DAPK3: variants seen among roughly 807,000 people sequenced by gnomAD.
DAPK3 encodes the protein death associated protein kinase 3.
Under a neutral mutation model 30.6 loss-of-function variants are expected in DAPK3, and 24 were observed. That is an observed-to-expected ratio of 0.78 (90% CI 0.57 to 1.10). The LOEUF is 1.10. DAPK3 is among the 50% of genes least tolerant of loss of function. The pLI is 0.00. For synonymous variants in DAPK3, 341 were observed against 284.0 expected, an observed-to-expected ratio of 1.20 and a Z score of -2.02; for missense variants, 629 against 657.3, an observed-to-expected ratio of 0.96 and a Z score of 0.47.
In DAPK3 at chr19:3,969,821, ATGGCAAC is replaced by A; in HGVS notation, c.-93_-87del. 1 of 880,232 alleles carries A rather than the reference ATGGCAAC, an allele frequency of 1.1e-6. No individual in the cohort carries two copies. The highest frequency in any genetic ancestry group is 1.9e-6 in the Non-Finnish European group (1 of 528,172). 54.5% of individuals were successfully genotyped at this position (880,232 alleles called of 1,614,324 possible). A position where few individuals can be genotyped will look rare whatever the true frequency, so the allele number is the denominator to read the frequency against. On this transcript the variant is annotated splice_region_variant and 5_prime_UTR_variant, in exon 2 of 9. Transcript: ENST00000545797. ...GAGATAGGACCTCAGGAGTCCCCTA[ATGGCAAC>A]CCTGGAGAAGACAGGGAAAGACAGA...
intron 7 of DAPK3, 98 bp from the exon 8 acceptor site, chr19:3,960,202 C>T (rs943374106): frequency 9.7e-5 from 68 of 697,756 alleles, no homozygotes; most frequent in Non-Finnish European, 2.9e-5. Flanking sequence ...CTAAAGTCGC[C>T]CCCCAGCCTC....
At chr19:3,962,369 G>A (rs544606831) in intron 6 of DAPK3, among the ~76,000 whole-genome samples, 2 of 152,340 alleles carry the variant, frequency 1.3e-5, no homozygotes, top group African/African-American at 2.4e-5. Flanking sequence ...GTCCGCTCAC[G>A]CACTACAGCG....
chr19:3,964,406 C>T lies in DAPK3; in HGVS notation c.424-33G>A, dbSNP rs779855582. The stretch of plus-strand genomic sequence containing the variant: ...GGGAGGAGGCTCAGCAGGGAAAGCA[C>T]GGGCCTCCCCCACCCTCACCCCCAC... On this transcript the variant is annotated intron_variant, in intron 3 of 8. Transcript: ENST00000545797. The T allele has an allele frequency of 1.3e-5, 20 of 1,593,936 alleles. No homozygotes were observed. In the South Asian group the frequency reaches 1.4e-4, roughly 11 times the overall value.
intron 2 of DAPK3, among the ~76,000 whole-genome samples, chr19:3,967,434 C>T (rs572852861): frequency 6.6e-6 from 1 of 150,884 alleles, no homozygotes; most frequent in East Asian, 2.0e-4. Context: ...GCCCGGGCGA[C>T]ACTGCAAGAC....
intron 2 of DAPK3, among the ~76,000 whole-genome samples, chr19:3,967,222 G>A (rs766616209): frequency 9.2e-5 from 14 of 152,122 alleles, no homozygotes; most frequent in Non-Finnish European, 1.6e-4. Context: ...AGGCAAAAGC[G>A]TGCAGATCAC....
chr19:3,964,536 C>A, intron 3 of DAPK3, 95 bp downstream of exon 3: 5 of 1,381,790 alleles, frequency 3.6e-6, no homozygotes, highest in Non-Finnish European at 4.9e-6. Flanking sequence ...CCACACCTCA[C>A]CCCCACGCGC....
At chr19:3,960,632 A>C (rs1239397287) in intron 7 of DAPK3, among the ~76,000 whole-genome samples, 2 of 151,898 alleles carry the variant, frequency 1.3e-5, no homozygotes, top group Non-Finnish European at 2.9e-5. Flanking sequence ...TACAAAAATT[A>C]GCCAGGCGTG....
intron 5 of DAPK3, 97 bp downstream of exon 5, chr19:3,963,774 C>T (rs983706908): frequency 8.0e-7 from 1 of 1,250,806 alleles, no homozygotes; most frequent in South Asian, 1.3e-5. Flanking sequence ...CCCCCCATAC[C>T]CCAACAGCAG....
At chr19:3,961,990 C>A (rs1052175337) in intron 6 of DAPK3, 17 of 160,376 alleles carry the variant, frequency 1.1e-4, no homozygotes, top group African/African-American at 4.1e-4. Flanking sequence ...TCCTGAGTAG[C>A]TGGGACTACA....
chr19:3,963,398 G>A (rs2039539325), intron 6 of DAPK3, among the ~76,000 whole-genome samples: 2 of 152,046 alleles, frequency 1.3e-5, no homozygotes, highest in African/African-American at 4.8e-5. Context: ...AGGGACAGGA[G>A]CACACACGAC....
chr19:3,963,072 T>G (rs1372838955), intron 6 of DAPK3, among the ~76,000 whole-genome samples: 2 of 149,698 alleles, frequency 1.3e-5, no homozygotes, highest in African/African-American at 2.5e-5. Context: ...ACCACTGCAC[T>G]CCAACCTGGA....
intron 1 of DAPK3, among the ~76,000 whole-genome samples, chr19:3,970,401 G>A (rs1022913572): frequency 6.6e-6 from 1 of 152,006 alleles, no homozygotes. Context: ...CTGCCATTCC[G>A]ATCAAAATTC....
At chr19:3,970,312 G>A (rs1295128444) in intron 1 of DAPK3, among the ~76,000 whole-genome samples, 1 of 152,144 alleles carries the variant, frequency 6.6e-6, no homozygotes. Flanking sequence ...CGCCCTGGCT[G>A]GAGTGCAGTG....
At chr19:3,964,422 TCACCCC>T (rs768095706) in intron 3 of DAPK3, 49 bp from the exon 4 acceptor site, 61 of 1,000,040 alleles carry the variant, frequency 6.1e-5, no homozygotes, top group Non-Finnish European at 8.0e-5. Context: ...TCCCCCACCC[TCACCCC>T]CACGCTCCCC....
intron 6 of DAPK3, 155 bp from the exon 7 acceptor site, chr19:3,961,316 C>A: frequency 1.4e-6 from 1 of 732,334 alleles, no homozygotes; most frequent in East Asian, 2.5e-5. Context: ...CTTCCTGCAA[C>A]GATCCCAGAC....
chr19:3,962,701 C>T (rs950689223), intron 6 of DAPK3, among the ~76,000 whole-genome samples: 11 of 138,554 alleles, frequency 7.9e-5, no homozygotes, highest in African/African-American at 2.7e-4. Context: ...CACTTGAACC[C>T]GGGAGGCAGA....
chr19:3,959,103 A>G lies in DAPK3; in HGVS notation c.1363T>C (p.Ter455GlnextTer82). ...KLQGVECGLR* is the reference protein window; with the variant it reads ...KLQGVECGLRQ ...GGGCCTGGCCCACCCCACTGCGCCT[A>G]GCGCAGCCCGCACTCCACGCCCTGC... Residue 455 changes from the stop codon to glutamine (Q), a stop_lost, in exon 9 of 9, where the codon TAG (stop) becomes CAG (glutamine). Coordinates refer to ENST00000545797, the MANE Select transcript of DAPK3 (RefSeq NM_001348.3). 1 of 1,530,810 alleles carries G rather than the reference A, an allele frequency of 6.5e-7. No homozygotes were observed. Among genetic ancestry groups the G allele is most frequent in the South Asian group, 1.2e-5 (1 of 82,710 alleles). The allele number at this position is 1,530,810 out of a possible 1,614,324, so 94.8% of individuals were successfully genotyped here. A position where few individuals can be genotyped will look rare whatever the true frequency, so the allele number is the denominator to read the frequency against.
intron 2 of DAPK3, among the ~76,000 whole-genome samples, chr19:3,965,235 G>A (rs1222077288): frequency 6.6e-6 from 1 of 152,242 alleles, no homozygotes; most frequent in Non-Finnish European, 1.5e-5. Flanking sequence ...GCAGGTGTGT[G>A]GAGGGGAGTG....
intron 6 of DAPK3, 192 bp from the exon 7 acceptor site, chr19:3,961,353 C>G (rs555113058): frequency 1.7e-5 from 12 of 712,878 alleles, no homozygotes; most frequent in Middle Eastern, 4.8e-4. Context: ...TCAAAATCCA[C>G]CCCCCCACCC....
Sources: allele counts gnomAD v4.1 joint callset (sites outside exome capture counted in the v4.1 genomes callset), GRCh38; gene constraint gnomAD v4.1.1; transcripts MANE v1.5; gene names NCBI Gene and HGNC (gene_info 2026-07-23, HGNC 2026-07-21).